The following AK5 variants were observed in gnomAD, a reference collection of about 807,000 sequenced individuals.
The protein encoded by AK5 is adenylate kinase isoenzyme 5.
AK5 carries 27 observed loss-of-function variants against 69.5 expected under a neutral mutation model. The ratio of observed to expected loss-of-function variants is 0.39; its 90% confidence interval spans 0.29 to 0.54. The LOEUF (loss-of-function observed/expected upper bound fraction) is 0.54. Among genes scored for constraint, AK5 ranks in the 20% least tolerant of loss-of-function variants. The pLI is 0.71. For missense variants in AK5, 531 were observed against 700.4 expected, an observed-to-expected ratio of 0.76 and a Z score of 2.73; for synonymous variants, 260 against 244.4, an observed-to-expected ratio of 1.06 and a Z score of -0.60.
intron 8 of AK5, among the ~76,000 whole-genome samples, chr1:77,473,180 A>G (rs1399708560): frequency 6.7e-6 from 1 of 150,134 alleles, no homozygotes; most frequent in Non-Finnish European, 1.5e-5. Flanking sequence ...GTAGAATCTC[A>G]GCATTGGAAG....
intron 6 of AK5, among the ~76,000 whole-genome samples, chr1:77,361,218 C>G (rs1286444425): frequency 6.6e-6 from 1 of 152,192 alleles, no homozygotes. Flanking sequence ...TTCTAAATTC[C>G]TTTACTACTT....
intron 8 of AK5, among the ~76,000 whole-genome samples, chr1:77,457,786 C>T (rs1164223805): frequency 6.6e-6 from 1 of 152,128 alleles, no homozygotes; most frequent in African/African-American, 2.4e-5. Flanking sequence ...TGCCTGGGGG[C>T]CACTGGAGTA....
intron 6 of AK5, among the ~76,000 whole-genome samples, chr1:77,379,221 C>T (rs538783668): frequency 2.6e-5 from 4 of 152,256 alleles, no homozygotes; most frequent in Admixed American, 6.5e-5. Context: ...TGGCTGTCTT[C>T]CCCATAGATA....
chr1:77,427,191 A>G (rs1278080662), intron 8 of AK5, among the ~76,000 whole-genome samples: 1 of 152,030 alleles, frequency 6.6e-6, no homozygotes, highest in Non-Finnish European at 1.5e-5. Context: ...GGAAATCAAA[A>G]CAGAAAACTA....
chr1:77,411,896 C>T (rs1650070759), intron 7 of AK5, among the ~76,000 whole-genome samples: 1 of 152,174 alleles, frequency 6.6e-6, no homozygotes, highest in Admixed American at 6.5e-5. Context: ...CCACAGAACA[C>T]AGATAACCGA....
At chr1:77,481,928 A>T (rs1036837780) in intron 8 of AK5, among the ~76,000 whole-genome samples, 7 of 152,360 alleles carry the variant, frequency 4.6e-5, no homozygotes, top group Admixed American at 4.6e-4. Flanking sequence ...AACAACAATT[A>T]TGGTACCACA....
chr1:77,395,913 AACTCAACT>A (rs1371610511), intron 6 of AK5, among the ~76,000 whole-genome samples: 1 of 152,184 alleles, frequency 6.6e-6, no homozygotes, highest in Non-Finnish European at 1.5e-5. Flanking sequence ...CTATCAGCCC[AACTCAACT>A]ACTGCCTGAA....
chr1:77,520,384 T>G (rs1657916034), intron 11 of AK5, among the ~76,000 whole-genome samples: 1 of 152,166 alleles, frequency 6.6e-6, no homozygotes, highest in Non-Finnish European at 1.5e-5. Flanking sequence ...CCTCAAAACC[T>G]TCCAATGGCT....
intron 1 of AK5, among the ~76,000 whole-genome samples, chr1:77,284,896 A>G (rs1364913445): frequency 1.3e-5 from 2 of 152,222 alleles, no homozygotes; most frequent in South Asian, 2.1e-4. Context: ...CTGGAAATGT[A>G]TATTTTCAGA....
At chr1:77,367,266 TAGTG>T (rs1325134293) in intron 6 of AK5, among the ~76,000 whole-genome samples, 1 of 151,808 alleles carries the variant, frequency 6.6e-6, no homozygotes, top group Non-Finnish European at 1.5e-5. Context: ...TGCATATACA[TAGTG>T]AGATATCTTG....
chr1:77,383,010 T>C (rs550448431), intron 6 of AK5, among the ~76,000 whole-genome samples: 1 of 152,358 alleles, frequency 6.6e-6, no homozygotes, highest in South Asian at 2.1e-4. Context: ...TCATTTGTTA[T>C]ACCTAAATAA....
chr1:77,336,085 CTTT>C (rs36053089), intron 5 of AK5, among the ~76,000 whole-genome samples: 3 of 135,110 alleles, frequency 2.2e-5, no homozygotes, highest in Non-Finnish European at 4.6e-5. Context: ...TCTTATAACC[CTTT>C]TTTTTTTTTT....
chr1:77,442,582 C>G (rs1353019519), intron 8 of AK5, among the ~76,000 whole-genome samples: 1 of 152,162 alleles, frequency 6.6e-6, no homozygotes, highest in Non-Finnish European at 1.5e-5. Context: ...CTTCTGTTCT[C>G]TGTGTGACCA....
chr1:77,466,628 A>C (rs1244594434), intron 8 of AK5, among the ~76,000 whole-genome samples: 1 of 152,226 alleles, frequency 6.6e-6, no homozygotes, highest in Non-Finnish European at 1.5e-5. Context: ...GATTTATAAA[A>C]AACAAAAATT....
intron 9 of AK5, among the ~76,000 whole-genome samples, chr1:77,485,303 TC>T (rs1263135737): frequency 6.6e-6 from 1 of 152,194 alleles, no homozygotes; most frequent in Non-Finnish European, 1.5e-5. Context: ...CCTCTCTTTG[TC>T]CCCAACCCAA....
chr1:77,403,538 A>C (rs1343090103), intron 6 of AK5, among the ~76,000 whole-genome samples: 1 of 152,236 alleles, frequency 6.6e-6, no homozygotes, highest in Admixed American at 6.5e-5. Context: ...TCCCAGCACC[A>C]TTTATTAAAT....
intron 6 of AK5, among the ~76,000 whole-genome samples, chr1:77,360,091 T>C (rs1178999051): frequency 6.6e-6 from 1 of 152,192 alleles, no homozygotes; most frequent in African/African-American, 2.4e-5. Flanking sequence ...GGCCAGCCCA[T>C]AGAAAGCACT....
intron 12 of AK5, among the ~76,000 whole-genome samples, chr1:77,527,699 T>C (rs1326995931): frequency 1.3e-5 from 2 of 152,160 alleles, no homozygotes; most frequent in Non-Finnish European, 2.9e-5. Flanking sequence ...TTTAGAAGAT[T>C]CTAGTATCAA....
intron 13 of AK5, among the ~76,000 whole-genome samples, chr1:77,538,350 A>G (rs1659083218): frequency 6.6e-6 from 1 of 150,966 alleles, no homozygotes; most frequent in South Asian, 2.1e-4. Context: ...AAAAAAAACA[A>G]CAACAACAAC....
Sources: gnomAD v4.1 joint callset for allele counts (sites outside exome capture counted in the v4.1 genomes callset) on GRCh38, gnomAD v4.1.1 for gene constraint, MANE v1.5 for transcripts, NCBI Gene and HGNC (gene_info 2026-07-23, HGNC 2026-07-21) for gene names.